SERPINF2: variants seen among roughly 807,000 people sequenced by gnomAD.
SERPINF2 encodes the protein serpin family F member 2, also known as alpha-2-antiplasmin.
A neutral mutation model predicts 45.0 loss-of-function variants in SERPINF2; 15 were observed. The ratio of observed to expected loss-of-function variants is 0.33; its 90% CI spans 0.22 to 0.51. The LOEUF is 0.51. Among genes scored for constraint, SERPINF2 ranks in the 20% least tolerant of loss-of-function variants. SERPINF2 has a pLI of 0.97. For synonymous variants in SERPINF2, 283 were observed against 277.9 expected (o/e 1.02, Z -0.18); for missense variants, 518 against 637.4 (o/e 0.81, Z 2.02).
intron 6 of SERPINF2, 63 bp from the exon 7 acceptor site, chr17:1,747,246 G>A (rs1905920217): frequency 1.2e-6 from 2 of 1,610,406 alleles, no homozygotes; most frequent in Non-Finnish European, 1.7e-6. Flanking sequence ...CTGGTAGCGA[G>A]TAGGGGCGTG....
In SERPINF2 at chr17:1,744,448, C is replaced by G. The variant is rs563624945; in HGVS notation, c.-4-544C>G. 150 of 635,666 alleles carry G rather than the reference C, an allele frequency of 2.4e-4. No homozygotes were observed. In the African/African-American group the frequency reaches 2.7e-3, roughly 12 times the overall value. The allele number at this position is 635,666 out of a possible 1,614,324, so 39.4% of individuals were successfully genotyped here. A position where few individuals can be genotyped will look rare whatever the true frequency, so the allele number is the denominator to read the frequency against. On this transcript the variant is annotated intron_variant, in intron 1 of 9. Transcript: ENST00000453066. ...GTGGAGGTTGCGGTGAGCCGAGATC[C>G]TGCCACTGCACTCCAGCCTGGTCAA...
chr17:1,745,305 G>C lies in SERPINF2; in HGVS notation c.103-28G>C. On this transcript the variant is annotated intron_variant, in intron 3 of 9. Transcript: ENST00000453066. The surrounding 1 kb of genome is among the most constrained non-coding windows in gnomAD (Gnocchi z 6.2). ...GGTGGGGGGCCTGTGGGAAGGGTCG[G>C]TCTCCATCTGCTTGCTCCTTTCCGC... 1 of 1,612,906 alleles carries C rather than the reference G, an allele frequency of 6.2e-7. No homozygotes were observed. The highest frequency in any genetic ancestry group is 1.1e-5 in the South Asian group (1 of 91,008).
intron 8 of SERPINF2, among the ~76,000 whole-genome samples, chr17:1,750,669 G>C (rs1389742079): frequency 6.6e-6 from 1 of 152,152 alleles, no homozygotes; most frequent in Non-Finnish European, 1.5e-5. Context: ...CCTTGGCCTG[G>C]GTATTGATCC....
At position 1,754,488 on chromosome 17, in the gene SERPINF2, T is replaced by C. The variant is rs761954931; in HGVS notation, c.1430T>C (p.Val477Ala). Residue 477 changes from valine to alanine, a missense_variant, in exon 10 of 10, where the codon GTG becomes GCG. Physicochemically the swap from Val to Ala is moderately conservative, Grantham distance 64. Transcript: ENST00000453066. ...CTTTTCGGCCCTGACTTAAAACTTG[T>C]GCCCCCCATGGAGGAGGATTACCCC... is the stretch of plus-strand genomic sequence containing the variant. ...DKLFGPDLKL[V>A]PPMEEDYPQF... 7 of 1,609,294 alleles carry C rather than the reference T, an allele frequency of 4.3e-6. No individual in the cohort carries two copies. The highest frequency in any genetic ancestry group is 5.9e-6 in the Non-Finnish European group (7 of 1,178,092).
chr17:1,749,747 G>T (rs1469871756), intron 8 of SERPINF2, among the ~76,000 whole-genome samples: 2 of 152,086 alleles, frequency 1.3e-5, no homozygotes, highest in Non-Finnish European at 2.9e-5. Context: ...TGAGGAGGGG[G>T]CATTGAATTG....
At chr17:1,743,551 A>C (rs1905492137) in intron 1 of SERPINF2, among the ~76,000 whole-genome samples, 1 of 151,478 alleles carries the variant, frequency 6.6e-6, no homozygotes, top group African/African-American at 2.4e-5. Context: ...CCCTGTCTCT[A>C]CTAAAAATAC....
intron 9 of SERPINF2, among the ~76,000 whole-genome samples, chr17:1,753,000 T>C (rs1362120194): frequency 6.6e-6 from 1 of 152,164 alleles, no homozygotes; most frequent in Admixed American, 6.5e-5. Context: ...GGCTCTGCTT[T>C]GCTGCCCAAG....
intron 7 of SERPINF2, 147 bp from the exon 8 acceptor site, chr17:1,748,451 C>T (rs1248404927): frequency 5.2e-5 from 52 of 994,826 alleles, no homozygotes; most frequent in South Asian, 2.6e-4. Context: ...TGGCCTCCAC[C>T]GCTGTCTCAT....
rs772340135 is a variant in SERPINF2 at position 1,745,736 on chromosome 17, GT to G, written c.195del (p.Pro67GlnfsTer20). On this transcript the variant is annotated frameshift_variant, in exon 5 of 10. Coordinates refer to ENST00000453066, the MANE Select transcript of SERPINF2 (RefSeq NM_000934.4). LOFTEE classifies it high-confidence loss of function. This position sits in a 1 kb window ranked among gnomAD's most constrained non-coding sequence, Gnocchi z 6.2. ...CCTGGTGGCCAGACTGCCCTGAAGA[GT>G]CCCCCAGGAGTCTGCAGCAGAGACC... ...QEPGGQTALK[S>X]PPGVCSRDPT... 4 of 1,613,846 alleles carry G rather than the reference GT, an allele frequency of 2.5e-6. No individual in the cohort carries two copies. Among genetic ancestry groups the G allele is most frequent in the Non-Finnish European group, 2.5e-6 (3 of 1,180,004 alleles).
chr17:1,745,278 A>AG lies in SERPINF2; in HGVS notation c.103-52dup. 1.0e-6 allele frequency: 1 copy of AG among 999,582 alleles called. No individual in the cohort carries two copies. Among genetic ancestry groups the AG allele is most frequent in the Non-Finnish European group, 1.4e-6 (1 of 692,228 alleles). 61.9% of individuals were successfully genotyped at this position (999,582 alleles called of 1,614,324 possible). A position where few individuals can be genotyped will look rare whatever the true frequency, so the allele number is the denominator to read the frequency against. On this transcript the variant is annotated intron_variant, in intron 3 of 9. Coordinates refer to ENST00000453066, the MANE Select transcript of SERPINF2 (RefSeq NM_000934.4). The surrounding 1 kb of genome is among the most constrained non-coding windows in gnomAD (Gnocchi z 6.2). Reference sequence around the variant, plus strand: ...CGGGGGTCTCACTGGTGGCTTGGGCAGGGTGGGGGGCCTGTGGGAAGGGTC... The same window carrying AG: ...CGGGGGTCTCACTGGTGGCTTGGGCAGGGGTGGGGGGCCTGTGGGAAGGGTC...
chr17:1,745,842 G>A lies in SERPINF2; in HGVS notation c.300G>A (p.Thr100=), dbSNP rs746049819. 4.3e-6 allele frequency: 7 copies of A among 1,613,868 alleles called. No individual in the cohort carries two copies. In the East Asian group the frequency reaches 6.7e-5, roughly 15 times the overall value. Residue 100 remains threonine (T), a synonymous_variant, in exon 5 of 10, where the codon ACG becomes ACA. Coordinates refer to ENST00000453066, the MANE Select transcript of SERPINF2 (RefSeq NM_000934.4). The surrounding 1 kb of genome is among the most constrained non-coding windows in gnomAD (Gnocchi z 6.2). The part of the protein sequence containing the change: ...TADLFSLVAQ[T]STCPNLILSP... ...ACCTGTTCTCCCTGGTGGCTCAAAC[G>A]TCCACCTGCCCCAACCTCATCCTGT...
In SERPINF2 at chr17:1,752,628, C is replaced by G; in HGVS notation, c.901C>G (p.Leu301Val). 1 of 1,614,150 alleles carries G rather than the reference C, an allele frequency of 6.2e-7. No homozygotes were observed. Among genetic ancestry groups the G allele is most frequent in the Non-Finnish European group, 8.5e-7 (1 of 1,180,028 alleles). Residue 301 changes from leucine to valine, a missense_variant, in exon 9 of 10, where the codon CTT (leucine) becomes GTT (valine). Leu to Val is a conservative substitution (Grantham distance 32). Transcript: ENST00000453066. ...PFKNNMSFVV[L>V]VPTHFEWNVS... is the part of the protein sequence containing the mutation. ...TAAGAACAACATGAGCTTTGTGGTC[C>G]TTGTACCCACCCACTTTGAATGGAA...
Position 1,745,723 on chromosome 17 carries a change from A to AGT in SERPINF2, c.181_182insGT (p.Thr61SerfsTer4), listed in dbSNP as rs757305860. ...GTCCCTGCAGGAGCCTGGTGGCCAG[A>AGT]CTGCCCTGAAGAGTCCCCCAGGAGT... On this transcript the variant is annotated frameshift_variant, in exon 5 of 10. Transcript: ENST00000453066. LOFTEE classifies it high-confidence loss of function. This position sits in a 1 kb window ranked among gnomAD's most constrained non-coding sequence, Gnocchi z 6.2. 4 of 1,613,652 alleles carry AGT rather than the reference A, an allele frequency of 2.5e-6. No homozygotes were observed. The highest frequency in any genetic ancestry group is 2.5e-6 in the Non-Finnish European group (3 of 1,179,998).
At chr17:1,748,214 T>C (rs1207877895) in intron 7 of SERPINF2, among the ~76,000 whole-genome samples, 1 of 150,602 alleles carries the variant, frequency 6.6e-6, no homozygotes, top group South Asian at 2.1e-4. Context: ...GGCAGGAGAA[T>C]GGCGTGAGCC....
At chr17:1,743,266 T>A (rs77513353) in intron 1 of SERPINF2, among the ~76,000 whole-genome samples, 1 of 152,244 alleles carries the variant, frequency 6.6e-6, no homozygotes, top group Non-Finnish European at 1.5e-5. Context: ...AGGCCTGTGA[T>A]GCTCCTAAGT....
In SERPINF2 at chr17:1,747,176, G is replaced by T. The variant is rs369453064; in HGVS notation, c.511+14G>T. ...ACCTGCAGAAAGGTAGGCGCTGATG[G>T]CAGGGAGCTCCCTCAGTCCTGCCCT... On this transcript the variant is annotated intron_variant, in intron 6 of 9. Coordinates refer to ENST00000453066, the MANE Select transcript of SERPINF2 (RefSeq NM_000934.4). 8.7e-6 allele frequency: 14 copies of T among 1,611,802 alleles called. No individual in the cohort carries two copies. Among genetic ancestry groups the T allele is most frequent in the Non-Finnish European group, 2.5e-6 (3 of 1,179,904 alleles).
intron 1 of SERPINF2, among the ~76,000 whole-genome samples, chr17:1,744,020 C>G (rs752326521): frequency 2.0e-5 from 3 of 151,284 alleles, no homozygotes; most frequent in Admixed American, 6.6e-5. Flanking sequence ...CTCAGCCTCC[C>G]GAGTAGCTGG....
chr17:1,747,723 C>A (rs1386278639), intron 7 of SERPINF2, among the ~76,000 whole-genome samples: 1 of 152,176 alleles, frequency 6.6e-6, no homozygotes, highest in Non-Finnish European at 1.5e-5. Flanking sequence ...TGCCACCACA[C>A]CCAGCTAATT....
intron 8 of SERPINF2, among the ~76,000 whole-genome samples, chr17:1,750,297 C>T (rs1371660225): frequency 5.9e-5 from 9 of 151,940 alleles, no homozygotes; most frequent in Non-Finnish European, 8.8e-5. Flanking sequence ...TACAGGCGCC[C>T]GCCACCATGC....
Sources: allele counts gnomAD v4.1 joint callset (sites outside exome capture counted in the v4.1 genomes callset), GRCh38; gene constraint gnomAD v4.1.1; non-coding constraint Gnocchi (gnomAD v3.1); transcripts MANE v1.5; gene names NCBI Gene and HGNC (gene_info 2026-07-23, HGNC 2026-07-21).